Variants in RUFY1 observed in about 807,000 individuals in gnomAD.
RUFY1 encodes the protein RUN and FYVE domain-containing protein 1.
RUFY1 carries 54 observed loss-of-function variants against 94.6 expected under a neutral mutation model. The observed-to-expected ratio is 0.57, with a 90% CI of 0.46 to 0.72. RUFY1 has a LOEUF of 0.72. Among genes scored for constraint, RUFY1 ranks in the 30% least tolerant of loss-of-function variants. The pLI, the probability that RUFY1 is intolerant of heterozygous loss-of-function variation, is 0.00. For synonymous variants in RUFY1, 396 were observed against 347.3 expected, an observed-to-expected ratio of 1.14 and a Z score of -1.56; for missense variants, 883 against 883.9, an observed-to-expected ratio of 1.00 and a Z score of 0.01.
intron 1 of RUFY1, among the ~76,000 whole-genome samples, chr5:179,556,700 A>C (rs1328603526): frequency 6.6e-6 from 1 of 151,934 alleles, no homozygotes; most frequent in East Asian, 1.9e-4. Context: ...GGGTTTTACC[A>C]TGTTGGCCAG....
At chr5:179,555,592 C>T (rs886759247) in intron 1 of RUFY1, 3 of 383,948 alleles carry the variant, frequency 7.8e-6, no homozygotes, top group African/African-American at 2.2e-5. Context: ...ACATTTTTTG[C>T]TCATGTAACC....
intron 16 of RUFY1, chr5:179,606,176 C>T (rs1181392258): frequency 2.3e-5 from 13 of 557,680 alleles, no homozygotes; most frequent in Non-Finnish European, 3.5e-5. Context: ...TCAAAATAGG[C>T]CTGATGGGCA....
At chr5:179,596,710 G>C (rs1765681341) in intron 13 of RUFY1, 29 bp downstream of exon 13, 1 of 1,552,924 alleles carries the variant, frequency 6.4e-7, no homozygotes, top group East Asian at 2.3e-5. Flanking sequence ...GCCTGGGCTG[G>C]GGTGTGGCTC....
intron 4 of RUFY1, among the ~76,000 whole-genome samples, chr5:179,568,640 A>G (rs1289617086): frequency 6.6e-6 from 1 of 152,238 alleles, no homozygotes; most frequent in Non-Finnish European, 1.5e-5. Flanking sequence ...TTTATGGGAT[A>G]CTATGCATGT....
chr5:179,599,878 T>C (rs1338422177), intron 14 of RUFY1, among the ~76,000 whole-genome samples: 1 of 152,236 alleles, frequency 6.6e-6, no homozygotes, highest in African/African-American at 2.4e-5. Flanking sequence ...TTTTGTTGTG[T>C]TGAACGTGGT....
At chr5:179,577,416 C>T (rs965226091) in intron 6 of RUFY1, among the ~76,000 whole-genome samples, 1 of 151,498 alleles carries the variant, frequency 6.6e-6, no homozygotes, top group Admixed American at 6.6e-5. Flanking sequence ...CGGCCCGTCT[C>T]GGCCTCCCAA....
intron 1 of RUFY1, among the ~76,000 whole-genome samples, chr5:179,553,518 T>C (rs1761959663): frequency 6.6e-6 from 1 of 152,030 alleles, no homozygotes; most frequent in African/African-American, 2.4e-5. Flanking sequence ...GCATGGTGGC[T>C]CACACCTGTA....
At chr5:179,562,179 C>T (rs545641075) in intron 2 of RUFY1, among the ~76,000 whole-genome samples, 6 of 151,792 alleles carry the variant, frequency 4.0e-5, no homozygotes, top group East Asian at 2.0e-4. Flanking sequence ...TTTGGGAGGC[C>T]GAGGCGGGCA....
chr5:179,577,189 T>TTTTTTTTTTTTA, intron 6 of RUFY1, 53 bp downstream of exon 6: 1 of 871,456 alleles, frequency 1.1e-6, no homozygotes, highest in Non-Finnish European at 1.7e-6. Context: ...TTTTTTTTTT[T>TTTTTTTTTTTTA]GAGACAGAAT....
rs370693366 is a variant in RUFY1 at position 179,585,823 on chromosome 5, G to A, written c.984G>A (p.Lys328=). Residue 328 remains lysine, a synonymous_variant, in exon 8 of 18, where the codon AAG becomes AAA. Transcript: ENST00000319449. ...GCACAGTTGGGGATCTTCAAACCAA[G>A]ATAGATGGCTTGGAAAAGACTAACT... The part of the protein sequence containing the change: ...LSCTVGDLQT[K]IDGLEKTNSK... The A allele has an allele frequency of 5.1e-5, 82 of 1,613,716 alleles. No homozygotes were observed. The highest frequency in any genetic ancestry group is 6.9e-5 in the Non-Finnish European group (81 of 1,179,742).
At chr5:179,591,531 C>T (rs762413451) in intron 9 of RUFY1, 94 bp from the exon 10 acceptor site, 180 of 819,994 alleles carry the variant, frequency 2.2e-4, no homozygotes, top group Non-Finnish European at 3.3e-4. Context: ...AATTACCTTA[C>T]ATTTTTTAAA....
In RUFY1 at chr5:179,579,657, C is replaced by CT. The variant is rs61062422; in HGVS notation, c.891-1268dup. Among the ~76,000 whole-genome samples the CT allele has an allele frequency of 5.5e-4, 28 of 50,560 alleles. 4 individuals are homozygous for CT. Among genetic ancestry groups the CT allele is most frequent in the Admixed American group, 7.6e-4 (2 of 2,644 alleles). 33.2% of individuals were successfully genotyped at this position (50,560 alleles called of 152,430 possible). On this transcript the variant is annotated intron_variant, in intron 6 of 17. Transcript: ENST00000319449. ...TAACAAAATATACCCTTTTCTTCTT[C>CT]TTTTTTTTTTTTTTTTTTTTTTGAG...
In RUFY1 at chr5:179,601,912, C is replaced by T. The variant is rs765417449; in HGVS notation, c.1782C>T (p.Asp594=). 28 of 1,612,818 alleles carry T rather than the reference C, an allele frequency of 1.7e-5. No individual in the cohort carries two copies. Among genetic ancestry groups the T allele is most frequent in the Admixed American group, 1.2e-4 (7 of 59,880 alleles). The change falls in exon 15 of 18, where the codon GAC becomes GAT. Residue 594 remains aspartate (D), a synonymous_variant. Coordinates refer to ENST00000319449, the MANE Select transcript of RUFY1 (RefSeq NM_025158.5). ...GLKKELRELQ[D]EKAELQKICE... ...TTTAGGAGTTGCGGGAGCTTCAGGA[C>T]GAGAAGGCAGAGCTGCAGAAGATCT...
rs185152457 is a variant in RUFY1, at chr5:179,608,390, G to A, written c.1983+731G>A. 4.1e-6 allele frequency: 4 copies of A among 985,574 alleles called. No homozygotes were observed. The African/African-American group carries it at 7.0e-5, about 17-fold the overall frequency. 61.1% of individuals were successfully genotyped at this position (985,574 alleles called of 1,614,324 possible). A position where few individuals can be genotyped will look rare whatever the true frequency, so the allele number is the denominator to read the frequency against. ...CTCAGAGCTAGAAACCACGTCCTGAGGCTGCCTTTGAGATCACATGTGTCT... is the reference window on the plus strand; with the variant it reads ...CTCAGAGCTAGAAACCACGTCCTGAAGCTGCCTTTGAGATCACATGTGTCT... On this transcript the variant is annotated intron_variant, in intron 17 of 17. Coordinates refer to ENST00000319449, the MANE Select transcript of RUFY1 (RefSeq NM_025158.5).
In RUFY1 at chr5:179,609,366, CGTCCT is replaced by C. The variant is rs2127581156; in HGVS notation, c.1984-7_1984-3del. 1 of 1,612,424 alleles carries C rather than the reference CGTCCT, an allele frequency of 6.2e-7. No individual in the cohort carries two copies. Among genetic ancestry groups the C allele is most frequent in the Admixed American group, 1.7e-5 (1 of 59,922 alleles). On this transcript the variant is annotated splice_region_variant and splice_polypyrimidine_tract_variant and intron_variant, in intron 17 of 17. Coordinates refer to ENST00000319449, the MANE Select transcript of RUFY1 (RefSeq NM_025158.5). ...GGGTGTCCTGTGACCGCCTTCTTCCCGTCCTGTAGCACCACTGCCGGAACTGTGGC... is the reference window on the plus strand; with the variant it reads ...GGGTGTCCTGTGACCGCCTTCTTCCCGTAGCACCACTGCCGGAACTGTGGC...
At position 179,594,904 on chromosome 5, in the gene RUFY1, C is replaced by T; in HGVS notation, c.1452C>T (p.Ile484=). ...ESSLQQKNEA[I]TSFEGKTNQV... ...GTTTGCAGCAGAAGAATGAAGCCAT[C>T]ACATCCTTTGAAGGAAAAACCAACC... The change falls in exon 12 of 18, where the codon ATC becomes ATT. Residue 484 remains isoleucine (I), a synonymous_variant. Transcript: ENST00000319449. The T allele has an allele frequency of 6.2e-7, 1 of 1,612,632 alleles. No homozygotes were observed. The highest frequency in any genetic ancestry group is 8.5e-7 in the Non-Finnish European group (1 of 1,179,190).
intron 5 of RUFY1, among the ~76,000 whole-genome samples, chr5:179,571,520 A>C (rs1258274753): frequency 2.0e-5 from 3 of 148,238 alleles, no homozygotes; most frequent in Non-Finnish European, 4.5e-5. Context: ...AAAAAAAAAA[A>C]CACCAATATT....
At chr5:179,608,408 A>G (rs960654727) in intron 17 of RUFY1, 16 of 985,362 alleles carry the variant, frequency 1.6e-5, no homozygotes, top group African/African-American at 1.0e-4. Context: ...TTGAGATCAC[A>G]TGTGTCTACA....
chr5:179,571,056 T>G (rs989327255), intron 5 of RUFY1, among the ~76,000 whole-genome samples: 1 of 152,210 alleles, frequency 6.6e-6, no homozygotes, highest in African/African-American at 2.4e-5. Context: ...GCACACCATT[T>G]TGTAATTTTA....
Sources: gnomAD v4.1 joint callset for allele counts (sites outside exome capture counted in the v4.1 genomes callset) on GRCh38, gnomAD v4.1.1 for gene constraint, MANE v1.5 for transcripts, NCBI Gene and HGNC (gene_info 2026-07-23, HGNC 2026-07-21) for gene names.